Variants in TENT5D observed in about 807,000 individuals in gnomAD.
The protein encoded by TENT5D is terminal nucleotidyltransferase 5D.
For synonymous variants in TENT5D, 103 were observed against 100.6 expected (o/e 1.02, Z -0.15); for missense variants, 191 against 287.0 (o/e 0.67, Z 2.42).
chrX:80,363,128 A>T (rs1255186330), intron 3 of TENT5D, among the ~76,000 whole-genome samples: 4 of 111,921 alleles, frequency 3.6e-5, no homozygotes, highest in Admixed American at 2.9e-4. Flanking sequence ...TAAGATTCTT[A>T]TTCAAAATTT....
At position 80,373,701 on chromosome X, in the gene TENT5D, A is replaced by G. The variant is rs138434803; in HGVS notation, c.-142+31137A>G. Among the ~76,000 whole-genome samples the G allele has an allele frequency of 3.7e-3, 416 of 111,117 alleles. 4 individuals are homozygous for G. Among genetic ancestry groups the G allele is most frequent in the African/African-American group, 0.013 (401 of 30,669 alleles). The stretch of plus-strand genomic sequence containing the variant: ...ATATTTAGTCACATCACCAAGTGCA[A>G]TTGTTTCTAAAGCTATAATGCTTGG... On this transcript the variant is annotated intron_variant, in intron 3 of 4. Coordinates refer to the TENT5D transcript ENST00000538312.
intron 3 of TENT5D, among the ~76,000 whole-genome samples, chrX:80,389,259 T>C (rs1431902553): frequency 1.8e-5 from 2 of 112,228 alleles, no homozygotes; most frequent in Non-Finnish European, 3.8e-5. Context: ...ATACTTACTA[T>C]ATTTGATGTT....
At chrX:80,349,205 A>C (rs1192566571) in intron 3 of TENT5D, among the ~76,000 whole-genome samples, 3 of 111,150 alleles carry the variant, frequency 2.7e-5, no homozygotes, top group Non-Finnish European at 5.7e-5. Flanking sequence ...CTCTTTTTCT[A>C]TTGTTTGGAA....
chrX:80,411,293 A>G (rs1020085014), intron 3 of TENT5D, among the ~76,000 whole-genome samples: 4 of 112,132 alleles, frequency 3.6e-5, no homozygotes, highest in African/African-American at 9.7e-5. Flanking sequence ...TCTTTAGTGT[A>G]TAAGTGGTTT....
chrX:80,396,869 A>ACCTCCCTC (rs1931259307), intron 3 of TENT5D, among the ~76,000 whole-genome samples: 1 of 90,504 alleles, frequency 1.1e-5, no homozygotes, highest in Non-Finnish European at 2.2e-5. Flanking sequence ...GGCGCCCCTC[A>ACCTCCCTC]CCTCCCAGAC....
intron 3 of TENT5D, among the ~76,000 whole-genome samples, chrX:80,343,235 A>G (rs1015360357): frequency 2.7e-5 from 3 of 111,423 alleles, no homozygotes; most frequent in Non-Finnish European, 5.6e-5. Context: ...GGTGCCATCT[A>G]CAAATTTGGT....
At chrX:80,368,601 C>A (rs1930557063) in intron 3 of TENT5D, among the ~76,000 whole-genome samples, 1 of 112,043 alleles carries the variant, frequency 8.9e-6, no homozygotes, top group East Asian at 2.8e-4. Flanking sequence ...CAAAGCTGTA[C>A]ACATTTGAGC....
chrX:80,429,393 C>T (rs1473059537), intron 1 of TENT5D, among the ~76,000 whole-genome samples: 1 of 110,892 alleles, frequency 9.0e-6, no homozygotes, highest in African/African-American at 3.3e-5. Context: ...ACCTCCACGT[C>T]CTGGGTTCAA....
At chrX:80,341,679 G>C (rs935053649) in intron 2 of TENT5D, among the ~76,000 whole-genome samples, 2 of 107,222 alleles carry the variant, frequency 1.9e-5, no homozygotes, top group Non-Finnish European at 3.9e-5. Flanking sequence ...TTTGTCAGTT[G>C]TAGCTGAGGT....
chrX:80,374,818 T>G (rs1045741801), intron 3 of TENT5D, among the ~76,000 whole-genome samples: 1 of 111,275 alleles, frequency 9.0e-6, no homozygotes, highest in African/African-American at 3.3e-5. Flanking sequence ...ATTACAGATT[T>G]TTTTGGACTT....
intron 3 of TENT5D, among the ~76,000 whole-genome samples, chrX:80,367,221 A>G (rs1459605883): frequency 9.0e-6 from 1 of 111,677 alleles, no homozygotes; most frequent in African/African-American, 3.2e-5. Flanking sequence ...CTTAACATTA[A>G]CAGTTCAATT....
intron 3 of TENT5D, among the ~76,000 whole-genome samples, chrX:80,406,540 A>G (rs1175777059): frequency 1.0e-5 from 1 of 98,228 alleles, no homozygotes; most frequent in Admixed American, 1.2e-4. Flanking sequence ...CGAGAAGGGA[A>G]GTTTAGAGAA....
intron 3 of TENT5D, among the ~76,000 whole-genome samples, chrX:80,390,736 G>A (rs1018061908): frequency 9.0e-6 from 1 of 111,230 alleles, no homozygotes; most frequent in Non-Finnish European, 1.9e-5. Flanking sequence ...GCAGTTTCTA[G>A]TCAAGAATAT....
intron 1 of TENT5D, among the ~76,000 whole-genome samples, chrX:80,420,992 T>C (rs967151875): frequency 8.9e-6 from 1 of 112,295 alleles, no homozygotes; most frequent in Admixed American, 9.4e-5. Flanking sequence ...TGAAGTGAAG[T>C]ATTAAAAGAC....
At chrX:80,422,014 G>A (rs962771638) in intron 1 of TENT5D, among the ~76,000 whole-genome samples, 9 of 110,691 alleles carry the variant, frequency 8.1e-5, no homozygotes, top group Non-Finnish European at 1.7e-4. Flanking sequence ...TTATTTATAA[G>A]AAAAAAAGGG....
upstream of TENT5D, among the ~76,000 whole-genome samples, chrX:80,418,234 C>T (rs370770581): frequency 1.8e-5 from 2 of 110,025 alleles, no homozygotes; most frequent in East Asian, 2.8e-4. Flanking sequence ...ACTGCAGCCT[C>T]GAACTCCTGA....
Position 80,401,566 on chromosome X carries a change from G to A in TENT5D, c.-141-37044G>A, listed in dbSNP as rs140956526. Reference sequence around the variant, plus strand: ...TGGGCCTATTATATGTGACTTTTTTGTGTTGAAGTACATTCTTTCTATACC... The same window carrying A: ...TGGGCCTATTATATGTGACTTTTTTATGTTGAAGTACATTCTTTCTATACC... On this transcript the variant is annotated intron_variant, in intron 3 of 4. Coordinates refer to the TENT5D transcript ENST00000538312. Among the ~76,000 whole-genome samples, 513 of 111,429 alleles carry A rather than the reference G, an allele frequency of 4.6e-3. 3 individuals carry two copies. Among genetic ancestry groups the A allele is most frequent in the African/African-American group, 0.016 (479 of 30,782 alleles).
chrX:80,394,106 A>G (rs1412084166), intron 3 of TENT5D, among the ~76,000 whole-genome samples: 4 of 111,292 alleles, frequency 3.6e-5, no homozygotes, highest in Non-Finnish European at 7.5e-5. Flanking sequence ...TGTTAATCCT[A>G]TCTTTAGTTT....
At chrX:80,418,380 G>A (rs931060031), upstream of TENT5D, among the ~76,000 whole-genome samples, 2 of 110,657 alleles carry the variant, frequency 1.8e-5, no homozygotes, top group African/African-American at 6.6e-5. Flanking sequence ...TCAAACTCCT[G>A]GCCTCAACAG....
Sources: allele counts gnomAD v4.1 joint callset (sites outside exome capture counted in the v4.1 genomes callset), GRCh38; gene constraint gnomAD v4.1.1; transcripts MANE v1.5; gene names NCBI Gene and HGNC (gene_info 2026-07-23, HGNC 2026-07-21).